The following FRMD3 variants were observed in gnomAD, a reference collection of about 807,000 sequenced individuals.
The protein encoded by FRMD3 is FERM domain-containing protein 3.
Under a neutral mutation model 70.2 loss-of-function variants are expected in FRMD3, and 33 were observed. That is an observed-to-expected ratio of 0.47 (90% CI 0.36 to 0.63). The LOEUF is 0.63. Ranked by LOEUF, FRMD3 falls within the 20% of genes least tolerant of loss-of-function variation. The probability of loss-of-function intolerance (pLI) is 0.00; values close to 1 mark genes in which losing one functional copy is unlikely to be tolerated. For missense variants in FRMD3, 632 were observed against 711.4 expected, an observed-to-expected ratio of 0.89 and a Z score of 1.27; for synonymous variants, 279 against 255.9, an observed-to-expected ratio of 1.09 and a Z score of -0.86.
chr9:83,487,877 T>G (rs1828722659), intron 1 of FRMD3, among the ~76,000 whole-genome samples: 1 of 152,144 alleles, frequency 6.6e-6, no homozygotes, highest in African/African-American at 2.4e-5. Context: ...AATAATAAAA[T>G]TTTTCCAAAA....
intron 1 of FRMD3, among the ~76,000 whole-genome samples, chr9:83,472,159 G>A (rs990274933): frequency 2.0e-5 from 3 of 152,092 alleles, no homozygotes; most frequent in African/African-American, 7.2e-5. Flanking sequence ...AGTAAGCATA[G>A]TGCAAAAATA....
Position 83,384,974 on chromosome 9 carries a change from A to G in FRMD3, c.252+4630T>C, listed in dbSNP as rs151107031. 1.6e-4 allele frequency among the ~76,000 whole-genome samples: 25 copies of G among 152,214 alleles called. No homozygotes were observed. The East Asian group carries it at 4.6e-3, about 28-fold the overall frequency. On this transcript the variant is annotated intron_variant, in intron 2 of 13. Coordinates refer to ENST00000304195, the MANE Select transcript of FRMD3 (RefSeq NM_174938.6). ...CTGGGAGCTGGGGCACTCAGCTCTA[A>G]GGCATGGGGTGAGGGGAGACTTCCT...
At chr9:83,326,930 C>T (rs1214179601) in intron 6 of FRMD3, among the ~76,000 whole-genome samples, 1 of 152,150 alleles carries the variant, frequency 6.6e-6, no homozygotes, top group Non-Finnish European at 1.5e-5. Context: ...TACTTTTAGA[C>T]AAAAAGGAAC....
chr9:83,452,294 A>G (rs1049144079), intron 1 of FRMD3, among the ~76,000 whole-genome samples: 60 of 152,322 alleles, frequency 3.9e-4, no homozygotes, highest in African/African-American at 1.4e-3. Flanking sequence ...GTTCACAAGC[A>G]TGGTGATTGG....
chr9:83,432,304 C>T (rs933380237), intron 1 of FRMD3, among the ~76,000 whole-genome samples: 15 of 152,220 alleles, frequency 9.9e-5, no homozygotes, highest in African/African-American at 3.6e-4. Context: ...TGCCACTGAG[C>T]CAGGAGCCAA....
chr9:83,500,050 A>G (rs1214038709), intron 1 of FRMD3, among the ~76,000 whole-genome samples: 2 of 152,230 alleles, frequency 1.3e-5, no homozygotes, highest in Non-Finnish European at 2.9e-5. Context: ...ATATGGTGAC[A>G]GTAAAGAGAT....
chr9:83,576,934 T>C, the FRMD3 span, among the ~76,000 whole-genome samples: 12 of 152,240 alleles, frequency 7.9e-5, no homozygotes, highest in Middle Eastern at 3.4e-3. Context: ...GCACTATCGA[T>C]TGTATTTCTC....
chr9:83,365,961 T>G (rs1291757964), intron 3 of FRMD3, among the ~76,000 whole-genome samples: 1 of 152,000 alleles, frequency 6.6e-6, no homozygotes, highest in Non-Finnish European at 1.5e-5. Context: ...ACCACTGGCC[T>G]CAGCAGCACA....
At chr9:83,368,907 T>A (rs918066042) in intron 3 of FRMD3, among the ~76,000 whole-genome samples, 2 of 152,000 alleles carry the variant, frequency 1.3e-5, no homozygotes, top group African/African-American at 4.8e-5. Context: ...CAGGCTGGAG[T>A]GCAGTGGCAC....
chr9:83,269,270 G>C (rs921953823), intron 13 of FRMD3, among the ~76,000 whole-genome samples: 4 of 152,132 alleles, frequency 2.6e-5, no homozygotes, highest in Non-Finnish European at 5.9e-5. Context: ...TGACCTGACA[G>C]CTCACTTGAA....
intron 1 of FRMD3, among the ~76,000 whole-genome samples, chr9:83,466,973 G>A (rs1828144298): frequency 6.6e-6 from 1 of 152,136 alleles, no homozygotes; most frequent in African/African-American, 2.4e-5. Context: ...ACATCGACAG[G>A]CAAGGCTCCA....
At chr9:83,315,820 C>T (rs1008773372) in intron 6 of FRMD3, among the ~76,000 whole-genome samples, 2 of 152,308 alleles carry the variant, frequency 1.3e-5, no homozygotes, top group Admixed American at 6.5e-5. Context: ...GGGTACCTTC[C>T]GCTCAAGCCT....
chr9:83,286,562 C>G (rs1012216865), intron 13 of FRMD3, among the ~76,000 whole-genome samples: 1 of 152,174 alleles, frequency 6.6e-6, no homozygotes, highest in African/African-American at 2.4e-5. Context: ...GAACTCCTGA[C>G]CTCAGGTGAT....
intron 13 of FRMD3, among the ~76,000 whole-genome samples, chr9:83,264,250 C>T (rs1025232509): frequency 6.6e-6 from 1 of 152,086 alleles, no homozygotes; most frequent in Non-Finnish European, 1.5e-5. Context: ...AATTGACATT[C>T]TGAAAAAGGC....
rs370590529 is a variant in FRMD3 at position 83,340,550 on chromosome 9, A to T, written c.472+2640T>A. 1.1e-4 allele frequency among the ~76,000 whole-genome samples: 17 copies of T among 152,332 alleles called. No homozygotes were observed. The East Asian group carries it at 2.5e-3, about 22-fold the overall frequency. The stretch of plus-strand genomic sequence containing the variant: ...GTCAAGATTTCTACAGGGGTTGAAC[A>T]TACCAGGCAGAGGAGATAAGTTGAA... On this transcript the variant is annotated intron_variant, in intron 5 of 13. Coordinates refer to ENST00000304195, the MANE Select transcript of FRMD3 (RefSeq NM_174938.6).
intron 1 of FRMD3, among the ~76,000 whole-genome samples, chr9:83,527,924 G>A (rs1164502170): frequency 6.6e-6 from 1 of 152,178 alleles, no homozygotes; most frequent in African/African-American, 2.4e-5. Context: ...CTAAAAGAGG[G>A]CCATGTTATC....
At chr9:83,507,979 C>T (rs11140132) in intron 1 of FRMD3, among the ~76,000 whole-genome samples, 14,571 of 151,514 alleles carry the variant, frequency 0.096, 834 homozygotes, top group African/African-American at 0.15. Context: ...AGGTTTAACA[C>T]CAGGTGAGTA....
intron 1 of FRMD3, among the ~76,000 whole-genome samples, chr9:83,393,556 A>C: frequency 9.5e-6 from 1 of 105,074 alleles, no homozygotes; most frequent in South Asian, 2.8e-4. Flanking sequence ...ATTTACCATA[A>C]TGTAGACGCG....
In FRMD3 at chr9:83,262,229, A is replaced by G. The variant is rs577199074; in HGVS notation, c.1196-13713T>C. The stretch of plus-strand genomic sequence containing the variant: ...ATCGACTTCAATACATCCAAACCCA[A>G]ATGCATCATCTCCCTCCCAACTCTT... On this transcript the variant is annotated intron_variant, in intron 13 of 13. Coordinates refer to ENST00000304195, the MANE Select transcript of FRMD3 (RefSeq NM_174938.6). 1.3e-3 allele frequency among the ~76,000 whole-genome samples: 203 copies of G among 152,278 alleles called. 1 individual carries two copies. Among genetic ancestry groups the G allele is most frequent in the Non-Finnish European group, 1.9e-3 (132 of 68,018 alleles).
Sources: gnomAD v4.1 joint callset for allele counts (sites outside exome capture counted in the v4.1 genomes callset) on GRCh38, gnomAD v4.1.1 for gene constraint, MANE v1.5 for transcripts, NCBI Gene and HGNC (gene_info 2026-07-23, HGNC 2026-07-21) for gene names.